The following CNBD1 variants were observed in gnomAD, a reference collection of about 807,000 sequenced individuals.
The protein encoded by CNBD1 is cyclic nucleotide binding domain containing 1, also known as cyclic nucleotide-binding domain-containing protein 1.
A neutral mutation model predicts 54.4 loss-of-function variants in CNBD1; 71 were observed. The observed-to-expected ratio is 1.30, with a 90% CI of 1.08 to 1.59. The LOEUF (loss-of-function observed/expected upper bound fraction) is 1.59. CNBD1 is among the 40% of genes most tolerant of loss of function. The probability of loss-of-function intolerance (pLI) is 0.00; values close to 1 mark genes in which losing one functional copy is unlikely to be tolerated. For missense variants in CNBD1, 659 were observed against 518.0 expected, an observed-to-expected ratio of 1.27 and a Z score of -2.64; for synonymous variants, 182 against 170.7, an observed-to-expected ratio of 1.07 and a Z score of -0.51.
chr8:87,147,344 A>G (rs1812511378), intron 4 of CNBD1, among the ~76,000 whole-genome samples: 1 of 152,144 alleles, frequency 6.6e-6, no homozygotes, highest in African/African-American at 2.4e-5. Flanking sequence ...CCATTAGAAT[A>G]CTACCTGGGC....
At chr8:86,935,768 T>G (rs1228411527) in intron 3 of CNBD1, among the ~76,000 whole-genome samples, 4 of 152,324 alleles carry the variant, frequency 2.6e-5, no homozygotes, top group East Asian at 3.9e-4. Context: ...ATACTTATTT[T>G]GAGTATAACT....
chr8:87,146,690 A>T lies in CNBD1; in HGVS notation c.432-59303A>T, dbSNP rs185377121. 2.5e-4 allele frequency among the ~76,000 whole-genome samples: 38 copies of T among 152,182 alleles called. No homozygotes were observed. The East Asian group carries it at 6.8e-3, about 27-fold the overall frequency. On this transcript the variant is annotated intron_variant, in intron 4 of 10. Coordinates refer to ENST00000518476, the MANE Select transcript of CNBD1 (RefSeq NM_173538.3). ...CTCTTTTTCTCTTACTCCTGTCCAC[A>T]TTAGCAAGTCCTATTAAGTATGCAT...
intron 4 of CNBD1, among the ~76,000 whole-genome samples, chr8:87,064,998 T>C (rs1586232196): frequency 6.6e-6 from 1 of 152,098 alleles, no homozygotes; most frequent in East Asian, 1.9e-4. Context: ...TATTGCAATA[T>C]GGCAATAATT....
chr8:87,275,382 C>A (rs559958404), intron 6 of CNBD1, among the ~76,000 whole-genome samples: 1 of 151,660 alleles, frequency 6.6e-6, no homozygotes, highest in Non-Finnish European at 1.5e-5. Flanking sequence ...GCCATTTTCA[C>A]GATATTGATT....
chr8:87,254,255 A>G (rs1807965200), intron 6 of CNBD1, among the ~76,000 whole-genome samples: 1 of 152,184 alleles, frequency 6.6e-6, no homozygotes, highest in African/African-American at 2.4e-5. Context: ...GAATAAAAAG[A>G]AGGCAGTAAG....
At chr8:87,128,498 T>G (rs1812046811) in intron 4 of CNBD1, among the ~76,000 whole-genome samples, 1 of 152,192 alleles carries the variant, frequency 6.6e-6, no homozygotes, top group Non-Finnish European at 1.5e-5. Context: ...ACTCGCCTAT[T>G]TCACAGGTTT....
At chr8:86,983,064 G>A (rs1294459219) in intron 4 of CNBD1, among the ~76,000 whole-genome samples, 1 of 152,176 alleles carries the variant, frequency 6.6e-6, no homozygotes, top group Non-Finnish European at 1.5e-5. Flanking sequence ...GATGCTGAGT[G>A]ATATGGTTTG....
intron 4 of CNBD1, among the ~76,000 whole-genome samples, chr8:86,940,132 C>CTTTTTTTTT (rs10671983): frequency 0.06 from 5,351 of 88,540 alleles, 713 homozygotes; most frequent in South Asian, 0.07. Flanking sequence ...CCACATGTTA[C>CTTTTTTTTT]TTTTTTTTTT....
chr8:87,358,097 A>G (rs1241848887), intron 10 of CNBD1, among the ~76,000 whole-genome samples: 3 of 152,168 alleles, frequency 2.0e-5, no homozygotes, highest in Non-Finnish European at 4.4e-5. Context: ...AGTAGCCAAG[A>G]AGATACTGGT....
At chr8:87,220,567 A>C (rs1177085163) in intron 5 of CNBD1, among the ~76,000 whole-genome samples, 1 of 139,942 alleles carries the variant, frequency 7.1e-6, no homozygotes, top group Non-Finnish European at 1.5e-5. Context: ...ACTTTAATGT[A>C]TATGCTTCTG....
rs1267850445 is a variant in CNBD1, at chr8:87,163,361, A to G, written c.432-42632A>G. 6.6e-6 allele frequency among the ~76,000 whole-genome samples: 1 copy of G among 151,902 alleles called. No individual in the cohort carries two copies. Among genetic ancestry groups the G allele is most frequent in the African/African-American group, 2.4e-5 (1 of 41,408 alleles). ...TGTTTTTTCCATTTCTGTAAAAAAA[A>G]AAATTAGAATTTTGATAGAGATTGC... On this transcript the variant is annotated intron_variant, in intron 4 of 10. Transcript: ENST00000518476. The surrounding 1 kb of genome is among the most constrained non-coding windows in gnomAD (Gnocchi z 4.5).
chr8:87,152,476 C>G (rs931778223), intron 4 of CNBD1, among the ~76,000 whole-genome samples: 1 of 149,568 alleles, frequency 6.7e-6, no homozygotes, highest in Admixed American at 6.7e-5. Flanking sequence ...AATCTCATAA[C>G]GTTTTAAGAA....
intron 4 of CNBD1, among the ~76,000 whole-genome samples, chr8:87,174,033 A>G (rs1430154272): frequency 6.6e-6 from 1 of 151,970 alleles, no homozygotes. Flanking sequence ...ATCTCGGCTC[A>G]CTGCAACCTC....
chr8:87,208,869 T>C (rs555153049), intron 5 of CNBD1, among the ~76,000 whole-genome samples: 2 of 152,186 alleles, frequency 1.3e-5, no homozygotes, highest in East Asian at 1.9e-4. Context: ...TTTCATTAAA[T>C]TGTATATTTA....
chr8:87,062,696 G>A (rs555312382), intron 4 of CNBD1, among the ~76,000 whole-genome samples: 119 of 151,318 alleles, frequency 7.9e-4, no homozygotes, highest in Non-Finnish European at 1.1e-3. Context: ...CAAGATCACC[G>A]TTGCACTCCA....
At chr8:87,216,387 A>G (rs933625161) in intron 5 of CNBD1, among the ~76,000 whole-genome samples, 7 of 152,208 alleles carry the variant, frequency 4.6e-5, no homozygotes, top group Non-Finnish European at 7.3e-5. Flanking sequence ...CATTGAATAT[A>G]TCATACACGT....
intron 4 of CNBD1, among the ~76,000 whole-genome samples, chr8:86,960,611 T>C (rs903717576): frequency 3.3e-5 from 5 of 152,212 alleles, no homozygotes; most frequent in Non-Finnish European, 5.9e-5. Flanking sequence ...TAAACGTCCC[T>C]GTCTGACAGC....
At chr8:86,992,237 AAAATTAT>A (rs1808769775) in intron 4 of CNBD1, among the ~76,000 whole-genome samples, 1 of 151,410 alleles carries the variant, frequency 6.6e-6, no homozygotes, top group Non-Finnish European at 1.5e-5. Flanking sequence ...CTTTTTTTTT[AAAATTAT>A]ACGCCTTATC....
chr8:87,231,945 A>G (rs535378836), intron 5 of CNBD1, among the ~76,000 whole-genome samples: 2 of 152,304 alleles, frequency 1.3e-5, no homozygotes, highest in Admixed American at 6.5e-5. Context: ...CATAGGGGCA[A>G]TGGCTCTCTA....
Sources: allele counts gnomAD v4.1 joint callset (sites outside exome capture counted in the v4.1 genomes callset), GRCh38; gene constraint gnomAD v4.1.1; non-coding constraint Gnocchi (gnomAD v3.1); transcripts MANE v1.5; gene names NCBI Gene and HGNC (gene_info 2026-07-23, HGNC 2026-07-21).